Variants in CCT4 observed in about 807,000 individuals in gnomAD.
The protein encoded by CCT4 is T-complex protein 1 subunit delta.
In CCT4, 17 loss-of-function variants were observed where a neutral mutation model predicts 62.5. The observed-to-expected ratio is 0.27, with a 90% CI of 0.19 to 0.41. The LOEUF (loss-of-function observed/expected upper bound fraction) is 0.41. Among genes scored for constraint, CCT4 ranks in the 10% least tolerant of loss-of-function variants. The pLI is 1.00. For synonymous variants in CCT4, 250 were observed against 229.9 expected, an observed-to-expected ratio of 1.09 and a Z score of -0.79; for missense variants, 592 against 659.2, an observed-to-expected ratio of 0.90 and a Z score of 1.12.
chr2:61,870,610 T>C (rs1668863394), intron 12 of CCT4, among the ~76,000 whole-genome samples: 1 of 152,138 alleles, frequency 6.6e-6, no homozygotes, highest in Non-Finnish European at 1.5e-5. Context: ...GTTCATGTCC[T>C]TAGCCTCTTG....
chr2:61,888,252 C>T, intron 1 of CCT4, 129 bp downstream of exon 1: 1 of 1,138,770 alleles, frequency 8.8e-7, no homozygotes, highest in Non-Finnish European at 1.2e-6. Flanking sequence ...CTCCACTGGG[C>T]TGCTTCTATA....
intron 4 of CCT4, among the ~76,000 whole-genome samples, chr2:61,879,987 C>T (rs1449535541): frequency 6.6e-6 from 1 of 151,994 alleles, no homozygotes; most frequent in African/African-American, 2.4e-5. Flanking sequence ...CTTGGCCTCT[C>T]AAAGTGCTGG....
chr2:61,881,190 T>C (rs1280714895), intron 3 of CCT4, among the ~76,000 whole-genome samples: 1 of 143,650 alleles, frequency 7.0e-6, no homozygotes, highest in African/African-American at 2.6e-5. Context: ...AGCAGTGAAG[T>C]TTTGTTTTAT....
At chr2:61,884,525 G>A (rs1288609484) in intron 2 of CCT4, among the ~76,000 whole-genome samples, 1 of 151,898 alleles carries the variant, frequency 6.6e-6, no homozygotes, top group Non-Finnish European at 1.5e-5. Context: ...TGGCCAGGCT[G>A]GTCTTGAACT....
chr2:61,869,623 C>T, intron 12 of CCT4, 70 bp from the exon 13 acceptor site: 1 of 808,616 alleles, frequency 1.2e-6, no homozygotes, highest in Admixed American at 1.8e-5. Flanking sequence ...ACGTGGTTAC[C>T]AGTGTACCTC....
chr2:61,875,029 C>A (rs1668967782), intron 8 of CCT4, among the ~76,000 whole-genome samples: 1 of 151,978 alleles, frequency 6.6e-6, no homozygotes, highest in African/African-American at 2.4e-5. Context: ...GTAATCCCAA[C>A]TACTCGGGAG....
At chr2:61,880,943 T>A (rs1469237692) in intron 3 of CCT4, among the ~76,000 whole-genome samples, 1 of 152,278 alleles carries the variant, frequency 6.6e-6, no homozygotes, top group East Asian at 1.9e-4. Flanking sequence ...TAGAATGGTC[T>A]TGAACTCCTG....
At chr2:61,881,329 T>C (rs1321834816) in intron 3 of CCT4, among the ~76,000 whole-genome samples, 1 of 152,112 alleles carries the variant, frequency 6.6e-6, no homozygotes, top group South Asian at 2.1e-4. Context: ...CAAAATTTTT[T>C]TGTTATCCTG....
chr2:61,880,980 C>A (rs1669099314), intron 3 of CCT4, among the ~76,000 whole-genome samples: 1 of 152,186 alleles, frequency 6.6e-6, no homozygotes. Flanking sequence ...CTGCTTCAGC[C>A]TCCCACAGTG....
rs1669319540 is a variant in CCT4 at position 61,888,570 on chromosome 2, C to T, written c.-63G>A. ...CGGATGGACCCGGATTCTGGCCGGC[C>T]GCAGTGTAATAACGGTAAGCCCTCA... On this transcript the variant is annotated 5_prime_UTR_variant, in exon 1 of 14. Coordinates refer to ENST00000394440, the MANE Select transcript of CCT4 (RefSeq NM_006430.4). 4 of 1,572,844 alleles carry T rather than the reference C, an allele frequency of 2.5e-6. No homozygotes were observed. Among genetic ancestry groups the T allele is most frequent in the Admixed American group, 3.5e-5 (2 of 56,792 alleles).
At position 61,878,322 on chromosome 2, in the gene CCT4, A is replaced by G. The variant is rs1209729976; in HGVS notation, c.522+547T>C. Among the ~76,000 whole-genome samples, 3 of 152,206 alleles carry G rather than the reference A, an allele frequency of 2.0e-5. No individual in the cohort carries two copies. The South Asian group carries it at 6.2e-4, about 31-fold the overall frequency. Reference sequence around the variant, plus strand: ...AAGTTTGGTAAATAAGAAAAGCAGCATAAGTATTAGTTAAGGGATGGACCA... The same window carrying G: ...AAGTTTGGTAAATAAGAAAAGCAGCGTAAGTATTAGTTAAGGGATGGACCA... On this transcript the variant is annotated intron_variant, in intron 5 of 13. Transcript: ENST00000394440.
In CCT4 at chr2:61,877,644, C is replaced by T. The variant is rs910653809; in HGVS notation, c.523-130G>A. ...GGGTGTGGGTATGAAGAGGGAAACA[C>T]TCATGAGAAGACAGTCCATAAAGTG... On this transcript the variant is annotated intron_variant, in intron 5 of 13. Transcript: ENST00000394440. The T allele has an allele frequency of 2.2e-5, 14 of 628,672 alleles. No individual in the cohort carries two copies. The African/African-American group carries it at 2.6e-4, about 12-fold the overall frequency. 38.9% of individuals were successfully genotyped at this position (628,672 alleles called of 1,614,324 possible). A position where few individuals can be genotyped will look rare whatever the true frequency, so the allele number is the denominator to read the frequency against.
intron 5 of CCT4, 73 bp downstream of exon 5, chr2:61,878,796 C>T (rs1484006619): frequency 1.4e-5 from 14 of 978,476 alleles, no homozygotes; most frequent in African/African-American, 4.9e-5. Context: ...ATTTATGTAC[C>T]GTATAGCATC....
At chr2:61,879,575 G>C (rs565427437) in intron 4 of CCT4, among the ~76,000 whole-genome samples, 1 of 151,566 alleles carries the variant, frequency 6.6e-6, no homozygotes, top group East Asian at 1.9e-4. Flanking sequence ...ACCGCACCTG[G>C]CCGATACTTC....
intron 1 of CCT4, among the ~76,000 whole-genome samples, chr2:61,886,429 A>G (rs905971989): frequency 9.2e-5 from 14 of 152,066 alleles, no homozygotes; most frequent in African/African-American, 3.4e-4. Context: ...AAACAAACCA[A>G]ACCTAACAAA....
chr2:61,878,270 A>C (rs1403460172), intron 5 of CCT4, among the ~76,000 whole-genome samples: 1 of 152,238 alleles, frequency 6.6e-6, no homozygotes, highest in Non-Finnish European at 1.5e-5. Flanking sequence ...TGAGTTCCAA[A>C]GAAATTTAAA....
At chr2:61,873,545 AT>A (rs1464879718) in intron 8 of CCT4, among the ~76,000 whole-genome samples, 7 of 150,636 alleles carry the variant, frequency 4.6e-5, no homozygotes, top group African/African-American at 1.7e-4. Flanking sequence ...CTAGGTCATT[AT>A]TTTTTCCCCA....
At chr2:61,880,661 T>C (rs896056081) in intron 3 of CCT4, among the ~76,000 whole-genome samples, 3 of 152,046 alleles carry the variant, frequency 2.0e-5, no homozygotes, top group Admixed American at 1.3e-4. Context: ...AAGTACTCTA[T>C]AGAATTGGAA....
chr2:61,886,487 G>A (rs1159802992), intron 1 of CCT4, among the ~76,000 whole-genome samples: 3 of 152,122 alleles, frequency 2.0e-5, no homozygotes, highest in Non-Finnish European at 2.9e-5. Context: ...GTCATCATCA[G>A]TATGTTATAA....
Sources: allele counts gnomAD v4.1 joint callset (sites outside exome capture counted in the v4.1 genomes callset), GRCh38; gene constraint gnomAD v4.1.1; transcripts MANE v1.5; gene names NCBI Gene and HGNC (gene_info 2026-07-23, HGNC 2026-07-21).